NOX4: variants seen among roughly 807,000 people sequenced by gnomAD.
NOX4 encodes NADPH oxidase 4, also known as kidney oxidase-1.
In NOX4, 69 loss-of-function variants were observed where a neutral mutation model predicts 87.6. That is an observed-to-expected ratio of 0.79 (90% CI 0.65 to 0.96). The LOEUF is 0.96. Ranked by LOEUF, NOX4 falls within the 40% of genes least tolerant of loss-of-function variation. NOX4 has a pLI of 0.00. For missense variants in NOX4, 680 were observed against 681.5 expected, an observed-to-expected ratio of 1.00 and a Z score of 0.02; for synonymous variants, 275 against 238.2, an observed-to-expected ratio of 1.15 and a Z score of -1.42.
rs1175967859 is a variant in NOX4, at chr11:89,472,480, T to G, written c.153+17978A>C. ...CAAAAATATACAGTTCATAATGACT[T>G]TATATTCAGATTTCCTTATGCTTAA... On this transcript the variant is annotated intron_variant, in intron 2 of 17. Coordinates refer to ENST00000263317, the MANE Select transcript of NOX4 (RefSeq NM_016931.5). 1.1e-4 allele frequency among the ~76,000 whole-genome samples: 16 copies of G among 152,310 alleles called. No individual in the cohort carries two copies. In the South Asian group the frequency reaches 2.3e-3, roughly 22 times the overall value.
intron 12 of NOX4, among the ~76,000 whole-genome samples, chr11:89,360,540 T>A (rs1375757168): frequency 6.6e-6 from 1 of 151,964 alleles, no homozygotes; most frequent in South Asian, 2.1e-4. Flanking sequence ...GAAACAACAC[T>A]CAACTGGTTG....
chr11:89,377,352 G>A (rs1452230848), intron 11 of NOX4, among the ~76,000 whole-genome samples: 5 of 151,878 alleles, frequency 3.3e-5, no homozygotes, highest in African/African-American at 9.7e-5. Flanking sequence ...GGATCATGTC[G>A]ACCTTAATAT....
chr11:89,485,283 C>A (rs558487535), intron 2 of NOX4, among the ~76,000 whole-genome samples: 1 of 151,924 alleles, frequency 6.6e-6, no homozygotes, highest in Non-Finnish European at 1.5e-5. Flanking sequence ...AGATCTAAAA[C>A]AATATTTGTG....
At chr11:89,485,472 G>A (rs1365502101) in intron 2 of NOX4, among the ~76,000 whole-genome samples, 4 of 151,882 alleles carry the variant, frequency 2.6e-5, no homozygotes, top group African/African-American at 9.7e-5. Context: ...AAGTTAAAAT[G>A]TTTATGGGAA....
At chr11:89,577,349 T>C in the NOX4 span, 1 of 152,160 alleles carries the variant, frequency 6.6e-6, no homozygotes, top group Admixed American at 6.6e-5. Flanking sequence ...GATTTAAAAA[T>C]ATCTAATGTA....
upstream of NOX4, among the ~76,000 whole-genome samples, chr11:89,501,748 G>C (rs1182754606): frequency 1.3e-5 from 2 of 152,032 alleles, no homozygotes; most frequent in African/African-American, 4.8e-5. Context: ...CAAAGCTGCA[G>C]GGGGCAATGG....
At chr11:89,545,066 G>A in the NOX4 span, 1 of 152,116 alleles carries the variant, frequency 6.6e-6, no homozygotes, top group African/African-American at 2.4e-5. Context: ...TGCTCTTGCT[G>A]TTGTGGTCTG....
At chr11:89,488,761 C>T (rs1295482028) in intron 2 of NOX4, 3 of 435,218 alleles carry the variant, frequency 6.9e-6, no homozygotes, top group Non-Finnish European at 1.2e-5. Context: ...TGAGATAAAG[C>T]TTCCACTGAA....
intron 13 of NOX4, among the ~76,000 whole-genome samples, chr11:89,344,280 G>C (rs1329282691): frequency 1.3e-5 from 2 of 152,074 alleles, no homozygotes; most frequent in East Asian, 3.8e-4. Context: ...AATTTCAAGG[G>C]TCTGGTGCAG....
At chr11:89,549,500 T>A in the NOX4 span, among the ~76,000 whole-genome samples, 58,095 of 152,086 alleles carry the variant, frequency 0.38, 11,388 homozygotes, top group African/African-American at 0.46. Flanking sequence ...ATTTTAATTT[T>A]TTTATTATAC....
At chr11:89,350,240 G>A (rs1447632786) in intron 13 of NOX4, among the ~76,000 whole-genome samples, 1 of 152,180 alleles carries the variant, frequency 6.6e-6, no homozygotes, top group Admixed American at 6.5e-5. Flanking sequence ...TTAGAAGAGT[G>A]TTCCCAAGCA....
chr11:89,449,530 C>T lies in NOX4; in HGVS notation c.265-6G>A, dbSNP rs1261671354. 1.9e-6 allele frequency: 3 copies of T among 1,602,304 alleles called. No homozygotes were observed. The highest frequency in any genetic ancestry group is 2.6e-6 in the Non-Finnish European group (3 of 1,171,228). On this transcript the variant is annotated splice_region_variant and splice_polypyrimidine_tract_variant and intron_variant, in intron 3 of 17. Transcript: ENST00000263317. ...CTGGTTCTCCTGCTTGGAACCTAAACAAAAATCATTTAATATGGTAAAAAT... is the reference window on the plus strand; with the variant it reads ...CTGGTTCTCCTGCTTGGAACCTAAATAAAAATCATTTAATATGGTAAAAAT...
At chr11:89,519,801 T>A in the NOX4 span, among the ~76,000 whole-genome samples, 3 of 152,054 alleles carry the variant, frequency 2.0e-5, no homozygotes, top group Non-Finnish European at 4.4e-5. Flanking sequence ...ATCAGGTCTG[T>A]CTGATTCTCT....
In NOX4 at chr11:89,325,112, A is replaced by ACTTTTTTTTTTTTTT. The variant is rs1565158726; in HGVS notation, c.*1643_*1644insAAAAAAAAAAAAAAG. 4 of 71,244 alleles carry ACTTTTTTTTTTTTTT rather than the reference A, an allele frequency of 5.6e-5. 1 individual carries two copies. The highest frequency in any genetic ancestry group is 1.4e-4 in the Admixed American group (1 of 7,280). The allele number at this position is 71,244 out of a possible 1,614,324, so 4.4% of individuals were successfully genotyped here. ...ATCACTAAACTGTATGAATGCTTTA[A>ACTTTTTTTTTTTTTT]TTCTTTTTTTTTTTTTTTTTTTTTT... is the stretch of plus-strand genomic sequence containing the variant. On this transcript the variant is annotated 3_prime_UTR_variant, in exon 18 of 18. Transcript: ENST00000263317.
intron 12 of NOX4, among the ~76,000 whole-genome samples, chr11:89,372,733 T>G (rs1251458942): frequency 6.6e-6 from 1 of 152,020 alleles, no homozygotes; most frequent in Non-Finnish European, 1.5e-5. Context: ...TATTTAAATT[T>G]ACTTTTGCAT....
chr11:89,457,907 T>C (rs1412220279), intron 2 of NOX4, among the ~76,000 whole-genome samples: 1 of 151,482 alleles, frequency 6.6e-6, no homozygotes, highest in African/African-American at 2.4e-5. Context: ...AAATCAGAAA[T>C]AACACAAACA....
chr11:89,424,751 A>G (rs1177755737), intron 7 of NOX4, among the ~76,000 whole-genome samples: 1 of 152,074 alleles, frequency 6.6e-6, no homozygotes, highest in Non-Finnish European at 1.5e-5. Context: ...TAACAGATTG[A>G]CCCATATTGA....
At chr11:89,373,951 T>C (rs2135062865) in intron 11 of NOX4, among the ~76,000 whole-genome samples, 1 of 152,052 alleles carries the variant, frequency 6.6e-6, no homozygotes, top group South Asian at 2.1e-4. Flanking sequence ...TGCCCAACAA[T>C]TATGCTCCTA....
chr11:89,502,888 G>C (rs981795707), upstream of NOX4, among the ~76,000 whole-genome samples: 1 of 151,876 alleles, frequency 6.6e-6, no homozygotes, highest in Non-Finnish European at 1.5e-5. Context: ...AAATAAGAAT[G>C]GTTGTATGAT....
Sources: allele counts gnomAD v4.1 joint callset (sites outside exome capture counted in the v4.1 genomes callset), GRCh38; gene constraint gnomAD v4.1.1; transcripts MANE v1.5; gene names NCBI Gene and HGNC (gene_info 2026-07-23, HGNC 2026-07-21).